The following AHSP variants were observed in gnomAD, a reference collection of about 807,000 sequenced individuals.
AHSP encodes the protein alpha-hemoglobin-stabilizing protein.
A neutral mutation model predicts 2.7 loss-of-function variants in AHSP; 5 were observed. The ratio of observed to expected loss-of-function variants is 1.86; its 90% confidence interval spans 0.97 to 3.92. AHSP has a LOEUF of 3.92. Among genes scored for constraint, AHSP ranks in the 30% most tolerant of loss-of-function variants. AHSP has a pLI of 0.00. For synonymous variants in AHSP, 50 were observed against 48.4 expected (o/e 1.03, Z -0.14); for missense variants, 134 against 119.8 (o/e 1.12, Z -0.55).
In AHSP at chr16:31,528,446, G is replaced by A; in HGVS notation, c.76-12G>A. ...ATTCTCCCTTGCCAACTGCCTCTCC[G>A]CAACCCCCCAGGTCTTCAATGATCC... On this transcript the variant is annotated splice_polypyrimidine_tract_variant and intron_variant, in intron 2 of 2. Transcript: ENST00000302312. 1.9e-6 allele frequency: 3 copies of A among 1,612,966 alleles called. No homozygotes were observed. The highest frequency in any genetic ancestry group is 1.3e-5 in the African/African-American group (1 of 75,012).
At position 31,528,680 on chromosome 16, in the gene AHSP, C is replaced by T. The variant is rs36018996; in HGVS notation, c.298C>T (p.Pro100Ser). 1 of 1,612,618 alleles carries T rather than the reference C, an allele frequency of 6.2e-7. No individual in the cohort carries two copies. The highest frequency in any genetic ancestry group is 2.2e-5 in the East Asian group (1 of 44,838). Reference sequence around the variant, plus strand: ...TCATGAGCTCCCGAGTCACCCACCGCCCTCCTCCTAGCTCAGGGACCCAGC... The same window carrying T: ...TCATGAGCTCCCGAGTCACCCACCGTCCTCCTCCTAGCTCAGGGACCCAGC... ...KSHELPSHPP[P>S]SS Residue 100 changes from proline (P) to serine (S), a missense_variant, in exon 3 of 3, where the codon CCC (proline) becomes TCC (serine). Coordinates refer to ENST00000302312, the MANE Select transcript of AHSP (RefSeq NM_016633.4).
At position 31,528,608 on chromosome 16, in the gene AHSP, A is replaced by C; in HGVS notation, c.226A>C (p.Thr76Pro). The change falls in exon 3 of 3, where the codon ACT becomes CCT. Residue 76 changes from threonine (T) to proline (P), a missense_variant. Physicochemically the swap from Thr to Pro is conservative, Grantham distance 38. Coordinates refer to ENST00000302312, the MANE Select transcript of AHSP (RefSeq NM_016633.4). ...ALQELRQELN[T>P]LANPFLAKYR... ...GCAGGAGCTTCGGCAAGAGCTGAAC[A>C]CTCTGGCCAACCCTTTCCTGGCCAA... The C allele has an allele frequency of 6.2e-7, 1 of 1,613,934 alleles. No individual in the cohort carries two copies. The highest frequency in any genetic ancestry group is 1.7e-5 in the Admixed American group (1 of 59,990).
rs1426239883 is a variant in AHSP at position 31,528,329 on chromosome 16, C to G, written c.75+115C>G. On this transcript the variant is annotated intron_variant, in intron 2 of 2. Coordinates refer to ENST00000302312, the MANE Select transcript of AHSP (RefSeq NM_016633.4). ...GTAATGGTGGAGTTGATGGAAACAA[C>G]GAGAGACACGGGATACAATGCAGAG... 3.8e-6 allele frequency: 5 copies of G among 1,304,742 alleles called. No individual in the cohort carries two copies. The South Asian group carries it at 6.0e-5, about 16-fold the overall frequency. The allele number at this position is 1,304,742 out of a possible 1,614,324, so 80.8% of individuals were successfully genotyped here. A position where few individuals can be genotyped will look rare whatever the true frequency, so the allele number is the denominator to read the frequency against.
rs1202204338 is a variant in AHSP at position 31,528,682 on chromosome 16, C to T, written c.300C>T (p.Pro100=). 3.1e-6 allele frequency: 5 copies of T among 1,612,244 alleles called. No individual in the cohort carries two copies. In the Admixed American group the frequency reaches 6.7e-5, roughly 22 times the overall value. The change falls in exon 3 of 3, where the codon CCC becomes CCT. Residue 100 remains proline, a synonymous_variant. Transcript: ENST00000302312. ...ATGAGCTCCCGAGTCACCCACCGCC[C>T]TCCTCCTAGCTCAGGGACCCAGCCC... ...KSHELPSHPP[P]SS is the part of the protein sequence containing the mutation.
At position 31,528,208 on chromosome 16, in the gene AHSP, T is replaced by C. The variant is rs779797044; in HGVS notation, c.69T>C (p.Asn23=). 5.0e-6 allele frequency: 8 copies of C among 1,613,638 alleles called. No individual in the cohort carries two copies. Among genetic ancestry groups the C allele is most frequent in the Admixed American group, 1.7e-5 (1 of 59,998 alleles). Residue 23 remains asparagine, a synonymous_variant, in exon 2 of 3, where the codon AAT becomes AAC. Coordinates refer to ENST00000302312, the MANE Select transcript of AHSP (RefSeq NM_016633.4). ...TGAAGGAGTTCAGCGTTCTGCTGAA[T>C]CAGCAGGTGAGTCCAAGCTTTCCAT... is the stretch of plus-strand genomic sequence containing the variant. ...AGLKEFSVLL[N]QQVFNDPLVS... is the part of the protein sequence containing the mutation.
chr16:31,528,048 G>T, intron 1 of AHSP, 86 bp downstream of exon 1: 1 of 1,068,940 alleles, frequency 9.4e-7, no homozygotes, highest in South Asian at 1.3e-5. Flanking sequence ...CAGGGCAGGA[G>T]GGATTTTTAA....
rs1596656445 is a variant in AHSP, at chr16:31,527,905, G to A, written c.-62G>A. The A allele has an allele frequency of 5.4e-6, 3 of 552,356 alleles. No individual in the cohort carries two copies. In the East Asian group the frequency reaches 9.6e-5, roughly 18 times the overall value. 34.2% of individuals were successfully genotyped at this position (552,356 alleles called of 1,614,324 possible). ...GCCTACATCTATAGCTTGGCACAGA[G>A]AGATTCACGCACCCTCAAGAGTGTG... On this transcript the variant is annotated 5_prime_UTR_variant, in exon 1 of 3. Transcript: ENST00000302312.
At position 31,528,556 on chromosome 16, in the gene AHSP, G is replaced by T. The variant is rs548457844; in HGVS notation, c.174G>T (p.Gly58=). 2 of 1,614,148 alleles carry T rather than the reference G, an allele frequency of 1.2e-6. No homozygotes were observed. The highest frequency in any genetic ancestry group is 4.5e-5 in the East Asian group (2 of 44,866). Residue 58 remains glycine, a synonymous_variant, in exon 3 of 3, where the codon GGG becomes GGT. Transcript: ENST00000302312. The part of the protein sequence containing the change: ...YINYYRQQVT[G]EPQERDKALQ... Reference sequence around the variant, plus strand: ...ACTATTACAGGCAGCAGGTGACAGGGGAGCCCCAAGAGCGAGACAAGGCTC... The same window carrying T: ...ACTATTACAGGCAGCAGGTGACAGGTGAGCCCCAAGAGCGAGACAAGGCTC...
chr16:31,528,111 A>C (rs1184553219), intron 1 of AHSP, 25 bp from the exon 2 acceptor site: 1 of 1,579,662 alleles, frequency 6.3e-7, no homozygotes, highest in Non-Finnish European at 8.7e-7. Flanking sequence ...ACAGATATGT[A>C]AATTCTACCC....
chr16:31,528,550 G>A lies in AHSP; in HGVS notation c.168G>A (p.Val56=). 1 of 1,614,184 alleles carries A rather than the reference G, an allele frequency of 6.2e-7. No homozygotes were observed. The highest frequency in any genetic ancestry group is 8.5e-7 in the Non-Finnish European group (1 of 1,180,028). ...NFYINYYRQQ[V]TGEPQERDKA... is the part of the protein sequence containing the mutation. ...ACATCAACTATTACAGGCAGCAGGT[G>A]ACAGGGGAGCCCCAAGAGCGAGACA... Residue 56 remains valine (V), a synonymous_variant, in exon 3 of 3, where the codon GTG becomes GTA. Transcript: ENST00000302312.
In AHSP at chr16:31,528,606, A is replaced by T. The variant is rs75782426; in HGVS notation, c.224A>T (p.Asn75Ile). ...CTGCAGGAGCTTCGGCAAGAGCTGA[A>T]CACTCTGGCCAACCCTTTCCTGGCC... is the stretch of plus-strand genomic sequence containing the variant. ...KALQELRQEL[N>I]TLANPFLAKY... The change falls in exon 3 of 3, where the codon AAC becomes ATC. Residue 75 changes from asparagine (N) to isoleucine (I), a missense_variant. Coordinates refer to ENST00000302312, the MANE Select transcript of AHSP (RefSeq NM_016633.4). 6.6e-3 allele frequency: 10,698 copies of T among 1,614,114 alleles called. 54 individuals carry two copies. The highest frequency in any genetic ancestry group is 8.1e-3 in the Non-Finnish European group (9,502 of 1,180,018).
chr16:31,528,265 C>T (rs2082740768), intron 2 of AHSP, 51 bp downstream of exon 2: 1 of 1,546,084 alleles, frequency 6.5e-7, no homozygotes, highest in Non-Finnish European at 8.9e-7. Flanking sequence ...CTGGGGGGTG[C>T]CGGGGAAGTG....
chr16:31,528,106 T>A, intron 1 of AHSP, 30 bp from the exon 2 acceptor site: 5 of 1,545,098 alleles, frequency 3.2e-6, no homozygotes, highest in Non-Finnish European at 4.5e-6. Context: ...GGGAAACAGA[T>A]ATGTAAATTC....
In AHSP at chr16:31,528,136, G is replaced by T; in HGVS notation, c.-4G>T. ...AAATTCTACCCTTTTCTCTACCCAG[G>T]CAGATGGCTCTTCTTAAGGCCAATA... On this transcript the variant is annotated splice_region_variant and 5_prime_UTR_variant, in exon 2 of 3. Coordinates refer to ENST00000302312, the MANE Select transcript of AHSP (RefSeq NM_016633.4). The T allele has an allele frequency of 6.2e-7, 1 of 1,612,652 alleles. No homozygotes were observed. Among genetic ancestry groups the T allele is most frequent in the Non-Finnish European group, 8.5e-7 (1 of 1,178,828 alleles).
intron 2 of AHSP, 99 bp from the exon 3 acceptor site, chr16:31,528,359 G>C: frequency 1.5e-6 from 2 of 1,314,908 alleles, no homozygotes; most frequent in African/African-American, 1.5e-5. Context: ...GCAGAGGAAA[G>C]AGAATGTGAG....
rs748401919 is a variant in AHSP, at chr16:31,528,491, A to G, written c.109A>G (p.Met37Val). 23 of 1,614,092 alleles carry G rather than the reference A, an allele frequency of 1.4e-5. No homozygotes were observed. The South Asian group carries it at 2.5e-4, about 18-fold the overall frequency. Residue 37 changes from methionine to valine, a missense_variant, in exon 3 of 3, where the codon ATG becomes GTG. Met to Val is a conservative substitution (Grantham distance 21). Coordinates refer to ENST00000302312, the MANE Select transcript of AHSP (RefSeq NM_016633.4). ...FNDPLVSEED[M>V]VTVVEDWMNF... ...TGATCCTCTCGTCTCTGAAGAAGAC[A>G]TGGTGACTGTGGTGGAGGACTGGAT...
At position 31,528,656 on chromosome 16, in the gene AHSP, C is replaced by G; in HGVS notation, c.274C>G (p.His92Asp). 1 of 1,613,710 alleles carries G rather than the reference C, an allele frequency of 6.2e-7. No homozygotes were observed. Among genetic ancestry groups the G allele is most frequent in the Non-Finnish European group, 8.5e-7 (1 of 1,180,012 alleles). Residue 92 changes from histidine (H) to aspartate (D), a missense_variant, in exon 3 of 3, where the codon CAT becomes GAT. Physicochemically the swap from His to Asp is moderately conservative, Grantham distance 81. Coordinates refer to ENST00000302312, the MANE Select transcript of AHSP (RefSeq NM_016633.4). Reference sequence around the variant, plus strand: ...CAAGTACAGGGACTTCCTGAAGTCTCATGAGCTCCCGAGTCACCCACCGCC... The same window carrying G: ...CAAGTACAGGGACTTCCTGAAGTCTGATGAGCTCCCGAGTCACCCACCGCC... ...LAKYRDFLKS[H>D]ELPSHPPPSS
Position 31,528,197 on chromosome 16 carries a change from G to T in AHSP, c.58G>T (p.Val20Phe), listed in dbSNP as rs765338912. 5 of 1,613,842 alleles carry T rather than the reference G, an allele frequency of 3.1e-6. No individual in the cohort carries two copies. Among genetic ancestry groups the T allele is most frequent in the South Asian group, 1.1e-5 (1 of 91,076 alleles). The stretch of plus-strand genomic sequence containing the variant: ...TTCCGCAGGATTGAAGGAGTTCAGC[G>T]TTCTGCTGAATCAGCAGGTGAGTCC... The part of the protein sequence containing the change: ...LISAGLKEFS[V>F]LLNQQVFNDP... The change falls in exon 2 of 3, where the codon GTT becomes TTT. Residue 20 changes from valine to phenylalanine, a missense_variant. By Grantham distance (50) the Val-to-Phe change is conservative. Coordinates refer to ENST00000302312, the MANE Select transcript of AHSP (RefSeq NM_016633.4).
In AHSP at chr16:31,528,795, T is replaced by A; in HGVS notation, c.*104T>A. ...CACCTCAATAAAGACCAGTGCTGGT[T>A]TTGTTGGACTTCCTGGCTTCTCTTT... On this transcript the variant is annotated 3_prime_UTR_variant, in exon 3 of 3. Transcript: ENST00000302312. 9.4e-7 allele frequency: 1 copy of A among 1,068,250 alleles called. No homozygotes were observed. The highest frequency in any genetic ancestry group is 2.9e-4 in the Middle Eastern group (1 of 3,476). 66.2% of individuals were successfully genotyped at this position (1,068,250 alleles called of 1,614,324 possible).
Sources: gnomAD v4.1 joint callset for allele counts on GRCh38, gnomAD v4.1.1 for gene constraint, MANE v1.5 for transcripts, NCBI Gene and HGNC (gene_info 2026-07-23, HGNC 2026-07-21) for gene names.